PRIM2: variants seen among roughly 807,000 people sequenced by gnomAD.
PRIM2 encodes the protein DNA primase subunit 2, also known as DNA primase large subunit.
Under a neutral mutation model 67.3 loss-of-function variants are expected in PRIM2, and 39 were observed. The observed-to-expected ratio is 0.58, with a 90% CI of 0.45 to 0.76. The LOEUF is 0.76. Ranked by LOEUF, PRIM2 falls within the 30% of genes least tolerant of loss-of-function variation. PRIM2 has a pLI of 0.00. For synonymous variants in PRIM2, 143 were observed against 198.7 expected (o/e 0.72, Z 2.36); for missense variants, 398 against 598.7 (o/e 0.66, Z 3.50).
Position 57,508,178 on chromosome 6 carries a change from C to T in PRIM2, c.761+724C>T, listed in dbSNP as rs1176114816. 4.7e-4 allele frequency among the ~76,000 whole-genome samples: 71 copies of T among 152,038 alleles called. 1 individual carries two copies. In the East Asian group the frequency reaches 0.013, roughly 28 times the overall value. On this transcript the variant is annotated intron_variant, in intron 8 of 13. Coordinates refer to ENST00000615550, the MANE Select transcript of PRIM2 (RefSeq NM_000947.5). ...TCTCGAACTCCTGACCTCAGGTGAT[C>T]CACCTGCCTCAGCCTCCCAAAGTGC...
intron 8 of PRIM2, among the ~76,000 whole-genome samples, chr6:57,521,401 T>G: frequency 8.2e-6 from 1 of 122,298 alleles, no homozygotes. Flanking sequence ...TTTAACACCC[T>G]AAGTGGGTAA....
At chr6:57,393,373 A>G (rs1182391578) in intron 7 of PRIM2, among the ~76,000 whole-genome samples, 1 of 151,976 alleles carries the variant, frequency 6.6e-6, no homozygotes, top group Non-Finnish European at 1.5e-5. Flanking sequence ...TGGTATTGCA[A>G]TGTAGTTTTA....
At chr6:57,288,801 A>G in the PRIM2 span, among the ~76,000 whole-genome samples, 20 of 152,352 alleles carry the variant, frequency 1.3e-4, no homozygotes, top group South Asian at 4.1e-3. Context: ...TCTGTAGGTT[A>G]CCAACGTCAA....
intron 8 of PRIM2, among the ~76,000 whole-genome samples, chr6:57,529,276 C>T (rs1774834852): frequency 6.6e-6 from 1 of 151,792 alleles, no homozygotes; most frequent in Non-Finnish European, 1.5e-5. Flanking sequence ...CCCCACTGCA[C>T]TCCAGCCTGG....
At chr6:57,629,621 T>G (rs1463426780) in intron 12 of PRIM2, among the ~76,000 whole-genome samples, 7 of 152,064 alleles carry the variant, frequency 4.6e-5, no homozygotes, top group African/African-American at 1.7e-4. Flanking sequence ...CCACTGATAT[T>G]GCCACCCTGG....
the PRIM2 span, among the ~76,000 whole-genome samples, chr6:57,264,908 G>C: frequency 6.6e-6 from 1 of 152,120 alleles, no homozygotes; most frequent in African/African-American, 2.4e-5. Flanking sequence ...TTTTAAGAAT[G>C]TATAGTTTGG....
intron 12 of PRIM2, among the ~76,000 whole-genome samples, chr6:57,617,731 A>C (rs1429895994): frequency 2.0e-5 from 3 of 152,108 alleles, no homozygotes; most frequent in African/African-American, 4.8e-5. Flanking sequence ...CTTAATGTCT[A>C]TTGGTGGACA....
chr6:57,476,368 A>AATGGATGGGACACTTT (rs1334525516), intron 7 of PRIM2, among the ~76,000 whole-genome samples: 1 of 152,206 alleles, frequency 6.6e-6, no homozygotes, highest in Non-Finnish European at 1.5e-5. Context: ...TGGCAGATTT[A>AATGGATGGGACACTTT]ATGGATGGGA....
chr6:57,416,766 C>T (rs1270405731), intron 7 of PRIM2, among the ~76,000 whole-genome samples: 5 of 152,126 alleles, frequency 3.3e-5, no homozygotes, highest in African/African-American at 1.2e-4. Context: ...GGCTGCTCTC[C>T]TTAAACCTCA....
At chr6:57,443,374 A>G (rs1039472750) in intron 7 of PRIM2, among the ~76,000 whole-genome samples, 3 of 152,188 alleles carry the variant, frequency 2.0e-5, no homozygotes, top group Non-Finnish European at 4.4e-5. Flanking sequence ...CCAACGGTTT[A>G]CAAGTGTTCC....
At chr6:57,422,088 A>G (rs1771482386) in intron 7 of PRIM2, among the ~76,000 whole-genome samples, 1 of 151,792 alleles carries the variant, frequency 6.6e-6, no homozygotes, top group Non-Finnish European at 1.5e-5. Context: ...AAATTTATAG[A>G]ACTCTTTTTT....
At chr6:57,384,116 G>A (rs1770054885) in intron 7 of PRIM2, among the ~76,000 whole-genome samples, 1 of 152,122 alleles carries the variant, frequency 6.6e-6, no homozygotes, top group Non-Finnish European at 1.5e-5. Flanking sequence ...TCCTCAGTCT[G>A]GCTTTCTGAT....
the PRIM2 span, among the ~76,000 whole-genome samples, chr6:57,265,519 T>C: frequency 6.6e-6 from 1 of 152,330 alleles, no homozygotes; most frequent in African/African-American, 2.4e-5. Context: ...TGGTTTACGG[T>C]AGACGCTCAA....
intron 7 of PRIM2, among the ~76,000 whole-genome samples, chr6:57,496,484 A>G (rs1774007382): frequency 6.6e-6 from 1 of 152,234 alleles, no homozygotes; most frequent in South Asian, 2.1e-4. Context: ...TATGGTTGGT[A>G]ACTCCAGTGT....
At chr6:57,427,718 A>T (rs1416175082) in intron 7 of PRIM2, among the ~76,000 whole-genome samples, 8 of 152,190 alleles carry the variant, frequency 5.3e-5, no homozygotes, top group Non-Finnish European at 1.2e-4. Context: ...TTTATTTATA[A>T]ATGAGATTAA....
At chr6:57,401,975 G>T (rs1251818154) in intron 7 of PRIM2, among the ~76,000 whole-genome samples, 3 of 152,200 alleles carry the variant, frequency 2.0e-5, no homozygotes, top group African/African-American at 7.2e-5. Context: ...GCTTTCAGTT[G>T]CCCCTGGTTG....
intron 5 of PRIM2, among the ~76,000 whole-genome samples, chr6:57,362,509 G>C (rs1410830831): frequency 1.3e-5 from 2 of 151,940 alleles, no homozygotes; most frequent in African/African-American, 4.8e-5. Flanking sequence ...TGCTTGGCTT[G>C]GAAGACTTCG....
intron 7 of PRIM2, among the ~76,000 whole-genome samples, chr6:57,444,584 T>A (rs573582144): frequency 1.3e-4 from 20 of 149,868 alleles, no homozygotes; most frequent in African/African-American, 4.7e-4. Flanking sequence ...AAAAAAAAAA[T>A]TATGGTATTA....
At chr6:57,291,586 G>A in the PRIM2 span, among the ~76,000 whole-genome samples, 1,840 of 152,168 alleles carry the variant, frequency 0.012, 20 homozygotes, top group South Asian at 0.056. Context: ...ACATCGATGC[G>A]AAAATCCTCA....
Sources: allele counts gnomAD v4.1 joint callset (sites outside exome capture counted in the v4.1 genomes callset), GRCh38; gene constraint gnomAD v4.1.1; transcripts MANE v1.5; gene names NCBI Gene and HGNC (gene_info 2026-07-23, HGNC 2026-07-21).